Variants in DOCK4 observed in about 807,000 individuals in gnomAD.
DOCK4 encodes the protein dedicator of cytokinesis 4, also known as dedicator of cytokinesis protein 4.
DOCK4 carries 97 observed loss-of-function variants against 268.1 expected under a neutral mutation model. The observed-to-expected ratio is 0.36, with a 90% confidence interval of 0.31 to 0.43. DOCK4 has a LOEUF of 0.43. Ranked by LOEUF, DOCK4 falls within the 20% of genes least tolerant of loss-of-function variation. The pLI is 1.00. For synonymous variants in DOCK4, 954 were observed against 887.2 expected (o/e 1.08, Z -1.34); for missense variants, 2,145 against 2,455.7 (o/e 0.87, Z 2.67).
At chr7:112,037,457 C>T (rs567353422) in intron 1 of DOCK4, among the ~76,000 whole-genome samples, 3 of 152,086 alleles carry the variant, frequency 2.0e-5, no homozygotes, top group Non-Finnish European at 4.4e-5. Flanking sequence ...GGTAATCTTC[C>T]TCCCATTCAT....
At chr7:111,978,059 C>T (rs964560211) in intron 7 of DOCK4, among the ~76,000 whole-genome samples, 1 of 152,152 alleles carries the variant, frequency 6.6e-6, no homozygotes, top group Non-Finnish European at 1.5e-5. Context: ...ATCCAACATA[C>T]ATTCAAGTAT....
intron 1 of DOCK4, among the ~76,000 whole-genome samples, chr7:112,197,911 AT>A (rs1820598252): frequency 6.7e-6 from 1 of 150,068 alleles, no homozygotes; most frequent in Admixed American, 6.7e-5. Flanking sequence ...AATTGCAGGT[AT>A]CTCAAACTCA....
chr7:112,132,565 T>C (rs1333907426), intron 1 of DOCK4, among the ~76,000 whole-genome samples: 1 of 151,192 alleles, frequency 6.6e-6, no homozygotes, highest in Non-Finnish European at 1.5e-5. Context: ...GGAAGCTATA[T>C]AGAGACCAGG....
chr7:112,068,023 A>ATG (rs1807246981), intron 1 of DOCK4, among the ~76,000 whole-genome samples: 1 of 151,976 alleles, frequency 6.6e-6, no homozygotes, highest in African/African-American at 2.4e-5. Flanking sequence ...GAGCCAAGAA[A>ATG]ATTATGCATG....
At chr7:111,912,596 G>A (rs551845837) in intron 13 of DOCK4, among the ~76,000 whole-genome samples, 1 of 152,032 alleles carries the variant, frequency 6.6e-6, no homozygotes, top group South Asian at 2.1e-4. Context: ...AAGCAGAAGA[G>A]GGGGAGGAAG....
At chr7:112,156,948 T>C (rs1243439944) in intron 1 of DOCK4, among the ~76,000 whole-genome samples, 2 of 151,518 alleles carry the variant, frequency 1.3e-5, no homozygotes, top group South Asian at 2.1e-4. Flanking sequence ...GGAAATCAGA[T>C]TGTAAAATTA....
intron 1 of DOCK4, among the ~76,000 whole-genome samples, chr7:112,174,996 AG>A (rs1247734356): frequency 5.0e-5 from 7 of 140,026 alleles, no homozygotes; most frequent in African/African-American, 1.9e-4. Context: ...GCTGGAGTGC[AG>A]TGGCGCGATC....
chr7:112,105,088 T>C (rs1022361496), intron 1 of DOCK4, among the ~76,000 whole-genome samples: 2 of 152,038 alleles, frequency 1.3e-5, no homozygotes, highest in African/African-American at 4.8e-5. Context: ...AGAAATCATA[T>C]TGAGTGCATT....
intron 1 of DOCK4, among the ~76,000 whole-genome samples, chr7:112,013,274 C>T (rs1208463565): frequency 6.6e-6 from 1 of 152,166 alleles, no homozygotes; most frequent in Non-Finnish European, 1.5e-5. Context: ...CTACAAATTG[C>T]CTTACAGTCA....
intron 24 of DOCK4, among the ~76,000 whole-genome samples, chr7:111,846,557 T>C (rs997919831): frequency 2.0e-5 from 3 of 152,154 alleles, no homozygotes; most frequent in Admixed American, 6.5e-5. Context: ...CCTAATCTCC[T>C]GGGGCTGTCC....
chr7:112,065,074 C>T (rs1174442277), intron 1 of DOCK4, among the ~76,000 whole-genome samples: 1 of 152,198 alleles, frequency 6.6e-6, no homozygotes, highest in African/African-American at 2.4e-5. Context: ...CAGCAGCATA[C>T]AGGACATTCA....
chr7:112,095,279 A>C (rs941319524), intron 1 of DOCK4, among the ~76,000 whole-genome samples: 1 of 152,214 alleles, frequency 6.6e-6, no homozygotes, highest in African/African-American at 2.4e-5. Context: ...AAAGACTTGA[A>C]GTTACATAAA....
chr7:112,034,026 C>T (rs1467614318), intron 1 of DOCK4, among the ~76,000 whole-genome samples: 1 of 152,182 alleles, frequency 6.6e-6, no homozygotes, highest in Non-Finnish European at 1.5e-5. Context: ...GCTCTCAGCT[C>T]TCTCAAACCT....
At chr7:112,052,881 T>C (rs983305237) in intron 1 of DOCK4, among the ~76,000 whole-genome samples, 9 of 152,178 alleles carry the variant, frequency 5.9e-5, no homozygotes, top group Non-Finnish European at 7.3e-5. Flanking sequence ...AAATAATATA[T>C]ATCAAATATA....
chr7:111,837,799 A>C (rs1314252980), intron 25 of DOCK4, among the ~76,000 whole-genome samples: 1 of 152,120 alleles, frequency 6.6e-6, no homozygotes, highest in African/African-American at 2.4e-5. Flanking sequence ...TTAAGATGTC[A>C]ATTTTGGCTG....
chr7:112,084,334 C>A (rs576683719), intron 1 of DOCK4, among the ~76,000 whole-genome samples: 2 of 152,170 alleles, frequency 1.3e-5, no homozygotes, highest in Non-Finnish European at 2.9e-5. Flanking sequence ...CATTTCAGTA[C>A]AATTTATATC....
intron 25 of DOCK4, among the ~76,000 whole-genome samples, chr7:111,843,959 C>T (rs749006610): frequency 6.6e-6 from 1 of 152,098 alleles, no homozygotes; most frequent in South Asian, 2.1e-4. Context: ...TGCAGAAAGC[C>T]AGCTTCAAAG....
chr7:111,871,406 A>C (rs1389215469), intron 20 of DOCK4, among the ~76,000 whole-genome samples: 2 of 152,228 alleles, frequency 1.3e-5, no homozygotes, highest in African/African-American at 4.8e-5. Flanking sequence ...ACTTTTCAGC[A>C]CCACCTGAGC....
intron 1 of DOCK4, among the ~76,000 whole-genome samples, chr7:112,100,675 T>C (rs1368171347): frequency 2.0e-5 from 3 of 152,190 alleles, no homozygotes; most frequent in African/African-American, 7.2e-5. Context: ...TACACTTCTA[T>C]CTCCCTGATT....
Sources: allele counts gnomAD v4.1 joint callset (sites outside exome capture counted in the v4.1 genomes callset), GRCh38; gene constraint gnomAD v4.1.1; transcripts MANE v1.5; gene names NCBI Gene and HGNC (gene_info 2026-07-23, HGNC 2026-07-21).